NEMP2: variants seen among roughly 807,000 people sequenced by gnomAD.
NEMP2 encodes the protein nuclear envelope integral membrane protein 2.
NEMP2 carries 53 observed loss-of-function variants against 54.2 expected under a neutral mutation model. The observed-to-expected ratio is 0.98, with a 90% CI of 0.78 to 1.23. The LOEUF (loss-of-function observed/expected upper bound fraction) is 1.23, where lower values mean the gene tolerates loss of function less well. Ranked by LOEUF, NEMP2 falls within the 50% of genes most tolerant of loss-of-function variation. NEMP2 has a pLI of 0.00. For synonymous variants in NEMP2, 197 were observed against 190.3 expected (o/e 1.04, Z -0.29); for missense variants, 455 against 511.3 (o/e 0.89, Z 1.06).
the NEMP2 span, among the ~76,000 whole-genome samples, chr2:190,568,873 A>T: frequency 6.6e-6 from 1 of 152,144 alleles, no homozygotes; most frequent in East Asian, 1.9e-4. This position sits in a 1 kb window ranked among gnomAD's most constrained non-coding sequence, Gnocchi z 4.7. Flanking sequence ...TCAGAGAAAA[A>T]CACTGTAATA....
chr2:190,598,087 T>G, the NEMP2 span, among the ~76,000 whole-genome samples: 1 of 152,190 alleles, frequency 6.6e-6, no homozygotes, highest in Non-Finnish European at 1.5e-5. Context: ...GCAGCATCCC[T>G]GACTCCACCA....
chr2:190,486,716 G>T, the NEMP2 span, among the ~76,000 whole-genome samples: 10 of 152,268 alleles, frequency 6.6e-5, no homozygotes, highest in East Asian at 1.4e-3. Context: ...AATTTTAAAA[G>T]AATTTTGATC....
the NEMP2 span, among the ~76,000 whole-genome samples, chr2:190,581,661 AT>A: frequency 4.5e-3 from 686 of 152,334 alleles, 6 homozygotes; most frequent in African/African-American, 0.016. Context: ...GCAAATATAC[AT>A]TTTTTCCTAT....
the NEMP2 span, among the ~76,000 whole-genome samples, chr2:190,479,601 G>C: frequency 6.6e-6 from 1 of 152,144 alleles, no homozygotes; most frequent in African/African-American, 2.4e-5. Context: ...TTCCTCTGTG[G>C]GTGTTGGTTG....
chr2:190,490,013 G>A, the NEMP2 span: 1 of 615,126 alleles, frequency 1.6e-6, no homozygotes, highest in South Asian at 2.3e-5. The surrounding 1 kb of genome is among the most constrained non-coding windows in gnomAD (Gnocchi z 4.5). Context: ...GAATTCATGT[G>A]GACTATTGTT....
the NEMP2 span, among the ~76,000 whole-genome samples, chr2:190,461,679 C>G: frequency 8.5e-3 from 1,292 of 152,226 alleles, 6 homozygotes; most frequent in Non-Finnish European, 0.012. This position sits in a 1 kb window ranked among gnomAD's most constrained non-coding sequence, Gnocchi z 5.5. Context: ...GGGGAAACAG[C>G]TCCCTCACAC....
chr2:190,452,718 A>T, the NEMP2 span, among the ~76,000 whole-genome samples: 2 of 152,030 alleles, frequency 1.3e-5, no homozygotes, highest in Non-Finnish European at 2.9e-5. Context: ...CCACCCTCCT[A>T]TGTCTCTTCC....
At chr2:190,627,792 A>T in the NEMP2 span, 4 of 152,264 alleles carry the variant, frequency 2.6e-5, no homozygotes, top group Admixed American at 6.5e-5. This position sits in a 1 kb window ranked among gnomAD's most constrained non-coding sequence, Gnocchi z 4.4. Context: ...CTTTAGGGGC[A>T]TCTGTCTCTA....
the NEMP2 span, among the ~76,000 whole-genome samples, chr2:190,423,030 C>G: frequency 6.6e-6 from 1 of 152,130 alleles, no homozygotes; most frequent in Non-Finnish European, 1.5e-5. This position sits in a 1 kb window ranked among gnomAD's most constrained non-coding sequence, Gnocchi z 4.3. Context: ...GTCACTATCT[C>G]CCTTAAGGGT....
At chr2:190,564,442 C>T in the NEMP2 span, among the ~76,000 whole-genome samples, 24 of 152,252 alleles carry the variant, frequency 1.6e-4, no homozygotes, top group East Asian at 3.7e-3. The surrounding 1 kb of genome is among the most constrained non-coding windows in gnomAD (Gnocchi z 4.2). Flanking sequence ...TTATATGTAC[C>T]AGTCTTTTAC....
chr2:190,450,214 T>C, the NEMP2 span, among the ~76,000 whole-genome samples: 3 of 152,126 alleles, frequency 2.0e-5, no homozygotes, highest in Non-Finnish European at 2.9e-5. Flanking sequence ...CTAATTGGGC[T>C]AATTATATTT....
upstream of NEMP2, chr2:190,534,933 C>T (rs1458410327): frequency 3.2e-6 from 1 of 308,300 alleles, no homozygotes; most frequent in East Asian, 5.1e-5. Flanking sequence ...TCGGCCTTGG[C>T]CTCCGGGCCT....
chr2:190,639,874 T>G, the NEMP2 span, among the ~76,000 whole-genome samples: 3 of 152,142 alleles, frequency 2.0e-5, no homozygotes, highest in African/African-American at 7.2e-5. Flanking sequence ...GGTCTCGATC[T>G]CCTGACCTCA....
chr2:190,437,709 C>T, the NEMP2 span: 12 of 1,010,240 alleles, frequency 1.2e-5, no homozygotes, highest in Non-Finnish European at 1.7e-5. This position sits in a 1 kb window ranked among gnomAD's most constrained non-coding sequence, Gnocchi z 5.9. Context: ...TTCTTTTCCT[C>T]CTTAAAATAG....
the NEMP2 span, among the ~76,000 whole-genome samples, chr2:190,479,259 C>T: frequency 6.6e-6 from 1 of 152,178 alleles, no homozygotes; most frequent in Non-Finnish European, 1.5e-5. Context: ...TATTCTCTTG[C>T]AGCTATATCT....
At chr2:190,435,878 A>G in the NEMP2 span, 1 of 1,008,336 alleles carries the variant, frequency 9.9e-7, no homozygotes, top group African/African-American at 1.6e-5. Context: ...TGCAATTATT[A>G]TTTTAGTTTG....
the NEMP2 span, among the ~76,000 whole-genome samples, chr2:190,589,351 G>T: frequency 6.6e-6 from 1 of 152,108 alleles, no homozygotes; most frequent in Non-Finnish European, 1.5e-5. This position sits in a 1 kb window ranked among gnomAD's most constrained non-coding sequence, Gnocchi z 4.3. Flanking sequence ...CCTTTCTGAC[G>T]TGATATTCCT....
chr2:190,519,240 GAGAC>G lies in NEMP2; in HGVS notation c.214-61_214-58del, dbSNP rs1690672230. 8.0e-7 allele frequency: 1 copy of G among 1,252,186 alleles called. No homozygotes were observed. Among genetic ancestry groups the G allele is most frequent in the South Asian group, 1.4e-5 (1 of 72,822 alleles). 77.6% of individuals were successfully genotyped at this position (1,252,186 alleles called of 1,614,324 possible). A position where few individuals can be genotyped will look rare whatever the true frequency, so the allele number is the denominator to read the frequency against. On this transcript the variant is annotated intron_variant, in intron 2 of 8. Coordinates refer to ENST00000409150, the MANE Select transcript of NEMP2 (RefSeq NM_001142645.2). The surrounding 1 kb of genome is among the most constrained non-coding windows in gnomAD (Gnocchi z 5.4). ...AGAATAACTTCTCTTTTTTGTTTTGGAGACAGGGTCTCCCTCTGTTGCCCAGAAT... is the reference window on the plus strand; with the variant it reads ...AGAATAACTTCTCTTTTTTGTTTTGGAGGGTCTCCCTCTGTTGCCCAGAAT...
chr2:190,643,101 G>C, the NEMP2 span, among the ~76,000 whole-genome samples: 1 of 137,646 alleles, frequency 7.3e-6, no homozygotes, highest in Non-Finnish European at 1.5e-5. Context: ...TAATCATTGA[G>C]CAGTTTTAAT....
Sources: allele counts gnomAD v4.1 joint callset (sites outside exome capture counted in the v4.1 genomes callset), GRCh38; gene constraint gnomAD v4.1.1; non-coding constraint Gnocchi (gnomAD v3.1); transcripts MANE v1.5; gene names NCBI Gene and HGNC (gene_info 2026-07-23, HGNC 2026-07-21).